The following OPA1 variants were observed in gnomAD, a reference collection of about 807,000 sequenced individuals.
OPA1 encodes the protein OPA1 mitochondrial dynamin like GTPase.
In OPA1, 59 loss-of-function variants were observed where a neutral mutation model predicts 152.9. The observed-to-expected ratio is 0.39, with a 90% CI of 0.31 to 0.48. The LOEUF (loss-of-function observed/expected upper bound fraction) is 0.48. Among genes scored for constraint, OPA1 ranks in the 20% least tolerant of loss-of-function variants. The pLI is 0.96. For synonymous variants in OPA1, 400 were observed against 389.9 expected (o/e 1.03, Z -0.31); for missense variants, 1,008 against 1,216.8 (o/e 0.83, Z 2.55).
At chr3:193,604,653 G>T (rs1035032334) in intron 1 of OPA1, among the ~76,000 whole-genome samples, 1 of 152,012 alleles carries the variant, frequency 6.6e-6, no homozygotes, top group Non-Finnish European at 1.5e-5. Flanking sequence ...CTGAGGTCGG[G>T]AGTTCAAGGA....
intron 8 of OPA1, among the ~76,000 whole-genome samples, chr3:193,634,065 A>C (rs1732534514): frequency 6.6e-6 from 1 of 152,174 alleles, no homozygotes; most frequent in Admixed American, 6.5e-5. Flanking sequence ...TGTTCTTGAA[A>C]GATTCCAATA....
intron 26 of OPA1, among the ~76,000 whole-genome samples, chr3:193,664,371 A>G (rs1386490387): frequency 6.6e-6 from 1 of 152,090 alleles, no homozygotes; most frequent in African/African-American, 2.4e-5. Flanking sequence ...AAAAAAGGAC[A>G]GAGGGTATTA....
chr3:193,682,536 C>T (rs1469864733), intron 29 of OPA1, among the ~76,000 whole-genome samples: 4 of 152,130 alleles, frequency 2.6e-5, no homozygotes, highest in East Asian at 1.9e-4. Context: ...TTCGAGGCTT[C>T]GAAAGAGAGG....
intron 29 of OPA1, among the ~76,000 whole-genome samples, chr3:193,682,714 A>C (rs1720341586): frequency 6.6e-6 from 1 of 152,226 alleles, no homozygotes; most frequent in South Asian, 2.1e-4. Flanking sequence ...ATCTGTTTAC[A>C]GCATGGTTTA....
Position 193,611,845 on chromosome 3 carries a change from CTT to C in OPA1, c.33-2869_33-2868del, listed in dbSNP as rs34521284. ...CTGAAACTGGTTCATCTTTTCTTTT[CTT>C]TTTTTTTTGCTTACAAGATTGTATG... On this transcript the variant is annotated intron_variant, in intron 1 of 30. Transcript: ENST00000361510. 5.7e-3 allele frequency among the ~76,000 whole-genome samples: 855 copies of C among 148,730 alleles called. 4 individuals are homozygous for C. Among genetic ancestry groups the C allele is most frequent in the Non-Finnish European group, 9.1e-3 (610 of 67,044 alleles).
At chr3:193,608,127 A>G (rs1211430970) in intron 1 of OPA1, among the ~76,000 whole-genome samples, 19 of 152,104 alleles carry the variant, frequency 1.2e-4, no homozygotes, top group African/African-American at 4.1e-4. Flanking sequence ...CGGTCTATCA[A>G]TTTTGTTGAT....
intron 29 of OPA1, among the ~76,000 whole-genome samples, chr3:193,677,030 T>A (rs113025828): frequency 0.026 from 3,850 of 146,826 alleles, 56 homozygotes; most frequent in Non-Finnish European, 0.03. Context: ...TATCAATAAA[T>A]TAGTACAAGC....
chr3:193,692,254 A>C, intron 30 of OPA1, 122 bp downstream of exon 30: 1 of 663,714 alleles, frequency 1.5e-6, no homozygotes, highest in Non-Finnish European at 2.7e-6. Context: ...TTTCAATGGC[A>C]TGAATCTCTG....
intron 30 of OPA1, among the ~76,000 whole-genome samples, chr3:193,693,088 A>C (rs1239323740): frequency 6.6e-6 from 1 of 152,258 alleles, no homozygotes; most frequent in Non-Finnish European, 1.5e-5. Flanking sequence ...AGCCTGCAGC[A>C]GGCTCAGAAC....
At chr3:193,666,741 G>C (rs1716639326) in intron 28 of OPA1, among the ~76,000 whole-genome samples, 2 of 151,964 alleles carry the variant, frequency 1.3e-5, no homozygotes, top group African/African-American at 4.8e-5. Context: ...AATGAGCTAT[G>C]ATCATACTAC....
In OPA1 at chr3:193,696,720, AGC is replaced by A. The variant is rs1209441073; in HGVS notation, c.*2121_*2122del. The A allele has an allele frequency of 6.6e-6, 1 of 152,264 alleles. No individual in the cohort carries two copies. The highest frequency in any genetic ancestry group is 1.5e-5 in the Non-Finnish European group (1 of 68,042). The allele number at this position is 152,264 out of a possible 1,614,324, so 9.4% of individuals were successfully genotyped here. ...AATATACAGAAGTTAAATTCGAACT[AGC>A]CACAGAATCATTTGTTTTTATGTCA... On this transcript the variant is annotated 3_prime_UTR_variant, in exon 31 of 31. Coordinates refer to ENST00000361510, the MANE Select transcript of OPA1 (RefSeq NM_130837.3).
At chr3:193,683,585 T>A (rs912428472) in intron 29 of OPA1, among the ~76,000 whole-genome samples, 2 of 152,092 alleles carry the variant, frequency 1.3e-5, no homozygotes, top group Non-Finnish European at 2.9e-5. Context: ...CAAACTACAA[T>A]TGTTGTCTTA....
intron 13 of OPA1, 131 bp from the exon 14 acceptor site, chr3:193,643,242 A>G (rs1692607621): frequency 1.2e-6 from 1 of 869,050 alleles, no homozygotes; most frequent in Admixed American, 2.2e-5. Context: ...CAGAGAAAGA[A>G]TACCATTTTT....
At chr3:193,664,039 A>ATT (rs564787015) in intron 26 of OPA1, among the ~76,000 whole-genome samples, 1 of 150,254 alleles carries the variant, frequency 6.7e-6, no homozygotes, top group Non-Finnish European at 1.5e-5. Flanking sequence ...ATGTTACGTG[A>ATT]TTTTTTTTTT....
Position 193,662,967 on chromosome 3 carries a change from T to A in OPA1, c.2661+5T>A. On this transcript the variant is annotated splice_donor_5th_base_variant and intron_variant, in intron 26 of 30. Transcript: ENST00000361510. ...GTAGAAGTAGATCCAAGCTTGGTAA[T>A]AAATACTGCTGAGAAGCAGGAATCT... 2.5e-6 allele frequency: 4 copies of A among 1,613,316 alleles called. No individual in the cohort carries two copies. Among genetic ancestry groups the A allele is most frequent in the Non-Finnish European group, 3.4e-6 (4 of 1,179,336 alleles).
At chr3:193,632,432 G>A (rs77434860) in intron 8 of OPA1, among the ~76,000 whole-genome samples, 17,719 of 152,148 alleles carry the variant, frequency 0.12, 1,326 homozygotes, top group Non-Finnish European at 0.17. Context: ...AGTGAGCCCA[G>A]ATGGCGCCAC....
At chr3:193,675,428 ATC>A (rs1577364223) in intron 29 of OPA1, among the ~76,000 whole-genome samples, 2 of 151,568 alleles carry the variant, frequency 1.3e-5, no homozygotes, top group African/African-American at 4.8e-5. Context: ...CATCTTTCAT[ATC>A]TCAGTACTGT....
At chr3:193,618,387 A>G (rs1729410491) in intron 5 of OPA1, among the ~76,000 whole-genome samples, 1 of 151,976 alleles carries the variant, frequency 6.6e-6, no homozygotes, top group Admixed American at 6.5e-5. Flanking sequence ...CTGAGGCAGG[A>G]GAATTGCTTG....
Position 193,648,057 on chromosome 3 carries a change from CCTT to C in OPA1, c.1871-8_1871-6del, listed in dbSNP as rs1711510343. On this transcript the variant is annotated splice_polypyrimidine_tract_variant and intron_variant, in intron 19 of 30. Transcript: ENST00000361510. ...GGAGGGTCATCAAACTTGAACTTTT[CCTT>C]CTTCCTCAGCAACACGTTTTAACCT... 6.2e-7 allele frequency: 1 copy of C among 1,608,684 alleles called. No individual in the cohort carries two copies. The highest frequency in any genetic ancestry group is 8.5e-7 in the Non-Finnish European group (1 of 1,175,176).
Sources: allele counts gnomAD v4.1 joint callset (sites outside exome capture counted in the v4.1 genomes callset), GRCh38; gene constraint gnomAD v4.1.1; transcripts MANE v1.5; gene names NCBI Gene and HGNC (gene_info 2026-07-23, HGNC 2026-07-21).